The following BCAS3 variants were observed in gnomAD, a reference collection of about 807,000 sequenced individuals.
BCAS3 encodes BCAS3 microtubule associated cell migration factor.
A neutral mutation model predicts 116.1 loss-of-function variants in BCAS3; 53 were observed. The ratio of observed to expected loss-of-function variants is 0.46; its 90% CI spans 0.37 to 0.57. The LOEUF is 0.57. Among genes scored for constraint, BCAS3 ranks in the 20% least tolerant of loss-of-function variants. The pLI, the probability that BCAS3 is intolerant of heterozygous loss-of-function variation, is 0.00. For missense variants in BCAS3, 917 were observed against 1,165.4 expected (o/e 0.79, Z 3.10); for synonymous variants, 391 against 408.2 (o/e 0.96, Z 0.51).
intron 7 of BCAS3, among the ~76,000 whole-genome samples, chr17:60,841,099 A>C (rs895638316): frequency 3.3e-5 from 5 of 152,092 alleles, no homozygotes; most frequent in African/African-American, 1.2e-4. Context: ...ATACTACTTT[A>C]AGTAAGGAAC....
At chr17:61,146,877 A>G (rs1279947052) in intron 22 of BCAS3, among the ~76,000 whole-genome samples, 4 of 151,886 alleles carry the variant, frequency 2.6e-5, no homozygotes, top group East Asian at 1.9e-4. Flanking sequence ...TTTCAAACCC[A>G]CTTAGTTTTT....
rs1244440271 is a variant in BCAS3, at chr17:61,122,378, T to C, written c.2425+37814T>C. On this transcript the variant is annotated intron_variant, in intron 22 of 23. Transcript: ENST00000407086. The surrounding 1 kb of genome is among the most constrained non-coding windows in gnomAD (Gnocchi z 4.6). ...TTGAGCCAGATAACAAACCTTTCAG[T>C]TGAATTTTTTCCATCCAGACACTGG... Among the ~76,000 whole-genome samples the C allele has an allele frequency of 6.6e-6, 1 of 152,176 alleles. No homozygotes were observed. The highest frequency in any genetic ancestry group is 1.5e-5 in the Non-Finnish European group (1 of 68,036).
intron 22 of BCAS3, among the ~76,000 whole-genome samples, chr17:61,289,704 T>C (rs564243405): frequency 6.6e-6 from 1 of 152,184 alleles, no homozygotes; most frequent in African/African-American, 2.4e-5. Context: ...CAGCACTCCT[T>C]TTCTTTATTA....
At chr17:61,116,718 T>C (rs2075482634) in intron 22 of BCAS3, among the ~76,000 whole-genome samples, 1 of 152,220 alleles carries the variant, frequency 6.6e-6, no homozygotes, top group East Asian at 1.9e-4. Flanking sequence ...GAAAATGGTT[T>C]GATTTCCCCT....
At chr17:61,369,536 C>T (rs940422142) in intron 23 of BCAS3, among the ~76,000 whole-genome samples, 3 of 152,212 alleles carry the variant, frequency 2.0e-5, no homozygotes, top group Admixed American at 6.5e-5. Context: ...CCCACTTCCC[C>T]GTGGCTCCTC....
intron 23 of BCAS3, among the ~76,000 whole-genome samples, chr17:61,370,530 A>T (rs572353984): frequency 1.3e-5 from 2 of 152,256 alleles, no homozygotes; most frequent in African/African-American, 4.8e-5. Context: ...CTATGATTAC[A>T]GGCGCCCGCT....
At chr17:61,059,063 CTTTTTTTTTTTTTTTTTTTTT>C (rs869090870) in intron 19 of BCAS3, among the ~76,000 whole-genome samples, 36 of 32,808 alleles carry the variant, frequency 1.1e-3, no homozygotes, top group African/African-American at 2.6e-3. Flanking sequence ...TTCTCCCCAT[CTTTTTTTTTTTTTTTTTTTTT>C]TTTTTTTTTT....
At chr17:61,074,238 GA>G (rs1568292444) in intron 19 of BCAS3, among the ~76,000 whole-genome samples, 1 of 148,356 alleles carries the variant, frequency 6.7e-6, no homozygotes, top group African/African-American at 2.5e-5. Flanking sequence ...AAAAAAAGAA[GA>G]AAAAAAGAAA....
At chr17:61,288,102 C>T (rs1262672616) in intron 22 of BCAS3, among the ~76,000 whole-genome samples, 1 of 152,226 alleles carries the variant, frequency 6.6e-6, no homozygotes, top group Non-Finnish European at 1.5e-5. Flanking sequence ...TGGCTGTGTG[C>T]TCTTCAGCAA....
intron 22 of BCAS3, among the ~76,000 whole-genome samples, chr17:61,260,834 A>G (rs939690872): frequency 6.6e-5 from 10 of 152,238 alleles, no homozygotes; most frequent in African/African-American, 2.4e-4. Flanking sequence ...TGTGTGGTTA[A>G]TCTTGGAAAC....
intron 22 of BCAS3, among the ~76,000 whole-genome samples, chr17:61,263,872 G>T (rs757167796): frequency 2.0e-5 from 3 of 152,170 alleles, no homozygotes; most frequent in Non-Finnish European, 2.9e-5. Context: ...ATTGTGCTGC[G>T]ACAAATGATT....
At chr17:60,850,355 T>TTTG (rs1568377444) in intron 7 of BCAS3, among the ~76,000 whole-genome samples, 2 of 137,830 alleles carry the variant, frequency 1.5e-5, no homozygotes, top group African/African-American at 5.6e-5. Context: ...GTTTTTTTTT[T>TTTG]TTTTTTTTTT....
intron 9 of BCAS3, among the ~76,000 whole-genome samples, chr17:60,886,018 T>A (rs906676753): frequency 8.9e-6 from 1 of 111,898 alleles, no homozygotes; most frequent in Non-Finnish European, 1.7e-5. Flanking sequence ...GAAGTTCTCC[T>A]GGATAATATC....
At chr17:60,794,117 A>G (rs914482893) in intron 6 of BCAS3, among the ~76,000 whole-genome samples, 1 of 152,012 alleles carries the variant, frequency 6.6e-6, no homozygotes, top group African/African-American at 2.4e-5. Flanking sequence ...GAGTAAGGTG[A>G]TACTGCTTTG....
intron 7 of BCAS3, among the ~76,000 whole-genome samples, chr17:60,857,420 CCTTTAAAAATAATCCATT>C (rs1324796970): frequency 1.3e-5 from 2 of 152,230 alleles, no homozygotes; most frequent in Admixed American, 1.3e-4. Context: ...CAAACACAAT[CCTTTAAAAATAATCCATT>C]AGAGCTCTGT....
At position 60,962,295 on chromosome 17, in the gene BCAS3, T is replaced by C. The variant is rs1600031590; in HGVS notation, c.1221+14943T>C. Among the ~76,000 whole-genome samples the C allele has an allele frequency of 6.6e-6, 1 of 152,306 alleles. No homozygotes were observed. Among genetic ancestry groups the C allele is most frequent in the South Asian group, 2.1e-4 (1 of 4,822 alleles). ...CATAGTGGCTGCACTAATTTACATT[T>C]CCACCAGCAGTGTGCAAGGGTCTCT... On this transcript the variant is annotated intron_variant, in intron 14 of 23. Transcript: ENST00000407086. The surrounding 1 kb of genome is among the most constrained non-coding windows in gnomAD (Gnocchi z 4.4).
At chr17:60,903,273 A>T (rs987548922) in intron 11 of BCAS3, among the ~76,000 whole-genome samples, 1 of 152,260 alleles carries the variant, frequency 6.6e-6, no homozygotes, top group Non-Finnish European at 1.5e-5. Flanking sequence ...AACCATTCAG[A>T]AAAGAACAAC....
intron 6 of BCAS3, among the ~76,000 whole-genome samples, chr17:60,768,461 G>C (rs1189065860): frequency 6.6e-6 from 1 of 152,190 alleles, no homozygotes; most frequent in Non-Finnish European, 1.5e-5. Context: ...TCCCATGCTG[G>C]ATGCTTCCTG....
chr17:60,688,179 G>C (rs1488701924), intron 3 of BCAS3: 2 of 152,204 alleles, frequency 1.3e-5, no homozygotes, highest in African/African-American at 4.8e-5. Flanking sequence ...AGCAGAGAAA[G>C]GACATTAGTG....
Sources: allele counts gnomAD v4.1 joint callset (sites outside exome capture counted in the v4.1 genomes callset), GRCh38; gene constraint gnomAD v4.1.1; non-coding constraint Gnocchi (gnomAD v3.1); transcripts MANE v1.5; gene names NCBI Gene and HGNC (gene_info 2026-07-23, HGNC 2026-07-21).